The following CFAP96 variants were observed in gnomAD, a reference collection of about 807,000 sequenced individuals.
The protein encoded by CFAP96 is cilia and flagella associated protein 96, also known as cilia-and flagella-associated protein 96.
At chr4:185,422,202 G>A in the CFAP96 span, among the ~76,000 whole-genome samples, 3 of 152,286 alleles carry the variant, frequency 2.0e-5, no homozygotes, top group South Asian at 2.1e-4. Flanking sequence ...CATTTACAAC[G>A]TGCTCATTGT....
At chr4:185,412,550 CAG>C in the CFAP96 span, among the ~76,000 whole-genome samples, 2 of 152,060 alleles carry the variant, frequency 1.3e-5, no homozygotes, top group African/African-American at 4.8e-5. Flanking sequence ...CTGAGAGGTG[CAG>C]AGTTAGCCAG....
At chr4:185,443,342 A>ATATATTTTTTTTT in the CFAP96 span, among the ~76,000 whole-genome samples, 20 of 26,722 alleles carry the variant, frequency 7.5e-4, no homozygotes, top group South Asian at 2.1e-3. Flanking sequence ...ATATATATAT[A>ATATATTTTTTTTT]TTTTTTTTTT....
chr4:185,438,013 C>A, the CFAP96 span, among the ~76,000 whole-genome samples: 1 of 148,646 alleles, frequency 6.7e-6, no homozygotes, highest in Non-Finnish European at 1.5e-5. Context: ...CTTTTTTTTT[C>A]TTTTTATGAC....
At chr4:185,445,136 A>T in the CFAP96 span, 1 of 1,550,450 alleles carries the variant, frequency 6.4e-7, no homozygotes, top group Non-Finnish European at 8.7e-7. Flanking sequence ...AGAAGGTGGG[A>T]ATATCTTACA....
chr4:185,426,749 G>C, the CFAP96 span, among the ~76,000 whole-genome samples: 5 of 151,892 alleles, frequency 3.3e-5, no homozygotes, highest in Non-Finnish European at 7.4e-5. Context: ...AAGTAGTGGC[G>C]GGCCGGGCGC....
At chr4:185,414,847 C>A in the CFAP96 span, among the ~76,000 whole-genome samples, 11 of 152,128 alleles carry the variant, frequency 7.2e-5, no homozygotes. Flanking sequence ...ATACCAGCAA[C>A]TTTAGGCATG....
chr4:185,449,531 A>AG, the CFAP96 span: 1 of 1,103,292 alleles, frequency 9.1e-7, no homozygotes, highest in South Asian at 1.5e-5. Flanking sequence ...TTAAAAAAAA[A>AG]AAAGAATGTA....
the CFAP96 span, among the ~76,000 whole-genome samples, chr4:185,438,681 A>G: frequency 0.61 from 92,917 of 152,072 alleles, 31,553 homozygotes; most frequent in East Asian, 0.82. Flanking sequence ...TCTTATAAAT[A>G]TTCTCGGGCT....
At chr4:185,421,484 C>T in the CFAP96 span, among the ~76,000 whole-genome samples, 1 of 152,176 alleles carries the variant, frequency 6.6e-6, no homozygotes, top group Non-Finnish European at 1.5e-5. Flanking sequence ...TATCAGTTCA[C>T]AAAAGAGCTG....
the CFAP96 span, chr4:185,425,986 C>G: frequency 2.5e-6 from 3 of 1,182,298 alleles, no homozygotes; most frequent in Non-Finnish European, 3.7e-6. Flanking sequence ...AACTACAACT[C>G]CCGACATGCT....
At chr4:185,434,612 T>A in the CFAP96 span, among the ~76,000 whole-genome samples, 1 of 152,186 alleles carries the variant, frequency 6.6e-6, no homozygotes, top group African/African-American at 2.4e-5. Flanking sequence ...TTCATAGATA[T>A]GTGAAAAACA....
the CFAP96 span, chr4:185,413,755 G>GGTAA: frequency 6.2e-7 from 1 of 1,613,014 alleles, no homozygotes; most frequent in South Asian, 1.1e-5. Flanking sequence ...GGTGGATTAA[G>GGTAA]GTAAGTATGT....
chr4:185,448,175 C>G, the CFAP96 span, among the ~76,000 whole-genome samples: 1 of 152,008 alleles, frequency 6.6e-6, no homozygotes, highest in East Asian at 1.9e-4. Flanking sequence ...CGCCCACCAC[C>G]ACGCCCAGCT....
At chr4:185,443,312 T>C in the CFAP96 span, among the ~76,000 whole-genome samples, 1 of 104,268 alleles carries the variant, frequency 9.6e-6, no homozygotes, top group Non-Finnish European at 2.0e-5. Context: ...AGAAATATTA[T>C]TTTTTATGTA....
chr4:185,448,749 C>T, the CFAP96 span, among the ~76,000 whole-genome samples: 1 of 152,170 alleles, frequency 6.6e-6, no homozygotes, highest in African/African-American at 2.4e-5. Context: ...TTCCTCACCA[C>T]ACCCACCCTC....
At chr4:185,436,552 T>G in the CFAP96 span, among the ~76,000 whole-genome samples, 7,620 of 151,798 alleles carry the variant, frequency 0.05, 239 homozygotes, top group South Asian at 0.089. Context: ...TCTACTAATC[T>G]TACAAAAATT....
chr4:185,431,889 C>T, the CFAP96 span: 11 of 1,049,408 alleles, frequency 1.0e-5, no homozygotes, highest in South Asian at 8.2e-5. Context: ...TCATAATTGG[C>T]CCAAATCATA....
At chr4:185,409,285 T>G in the CFAP96 span, among the ~76,000 whole-genome samples, 1,807 of 152,300 alleles carry the variant, frequency 0.012, 36 homozygotes, top group African/African-American at 0.041. Context: ...ATAAATAAAT[T>G]ACTAATATCA....
the CFAP96 span, chr4:185,422,500 G>C: frequency 1.2e-6 from 2 of 1,611,124 alleles, no homozygotes; most frequent in Admixed American, 3.4e-5. Context: ...GGAGTAGCTA[G>C]CTGAAAAGCC....
Sources: gnomAD v4.1 joint callset for allele counts (sites outside exome capture counted in the v4.1 genomes callset) on GRCh38, gnomAD v4.1.1 for gene constraint, MANE v1.5 for transcripts, NCBI Gene and HGNC (gene_info 2026-07-23, HGNC 2026-07-21) for gene names.